Variants in HPS5 observed in about 807,000 individuals in gnomAD.
HPS5 encodes BLOC-2 complex member HPS5.
A neutral mutation model predicts 128.0 loss-of-function variants in HPS5; 83 were observed. The ratio of observed to expected loss-of-function variants is 0.65; its 90% confidence interval spans 0.54 to 0.78. The LOEUF is 0.78. Ranked by LOEUF, HPS5 falls within the 30% of genes least tolerant of loss-of-function variation. The probability of loss-of-function intolerance (pLI) is 0.00; values close to 1 mark genes in which losing one functional copy is unlikely to be tolerated. For synonymous variants in HPS5, 475 were observed against 470.2 expected, an observed-to-expected ratio of 1.01 and a Z score of -0.13; for missense variants, 1,281 against 1,326.2, an observed-to-expected ratio of 0.97 and a Z score of 0.53.
At position 18,311,468 on chromosome 11, in the gene HPS5, A is replaced by G. The variant is rs775008255; in HGVS notation, c.220-17T>C. 3 of 1,513,442 alleles carry G rather than the reference A, an allele frequency of 2.0e-6. No homozygotes were observed. The East Asian group carries it at 7.0e-5, about 35-fold the overall frequency. The allele number at this position is 1,513,442 out of a possible 1,614,324, so 93.8% of individuals were successfully genotyped here. On this transcript the variant is annotated splice_polypyrimidine_tract_variant and intron_variant, in intron 3 of 22. Coordinates refer to ENST00000349215, the MANE Select transcript of HPS5 (RefSeq NM_181507.2). ...TGCACCTTCCTAGAGCACAAAAGAA[A>G]ATACATTTTTTAAATCTCAAGTTTT...
At chr11:18,312,297 T>C (rs1297616754) in intron 2 of HPS5, among the ~76,000 whole-genome samples, 1 of 152,254 alleles carries the variant, frequency 6.6e-6, no homozygotes, top group Non-Finnish European at 1.5e-5. Context: ...ACGCTGGCTG[T>C]TAAGACTTCA....
rs56851278 is a variant in HPS5, at chr11:18,315,188, C to T, written c.108+2563G>A. ...GCAACCAATACCCCAAAATAGGGAG[C>T]TTTGACATGCTGACAGTTCTTAGAA... On this transcript the variant is annotated intron_variant, in intron 2 of 22. Coordinates refer to ENST00000349215, the MANE Select transcript of HPS5 (RefSeq NM_181507.2). Among the ~76,000 whole-genome samples the T allele has an allele frequency of 6.2e-3, 949 of 152,300 alleles. 14 individuals carry two copies. The highest frequency in any genetic ancestry group is 0.022 in the African/African-American group (916 of 41,558).
intron 2 of HPS5, among the ~76,000 whole-genome samples, chr11:18,315,612 T>TAA (rs544602661): frequency 4.2e-5 from 6 of 141,276 alleles, no homozygotes; most frequent in African/African-American, 1.3e-4. Flanking sequence ...AACTCTATCT[T>TAA]AAAAAAAAAA....
chr11:18,280,655 G>T, intron 22 of HPS5: 1 of 674,610 alleles, frequency 1.5e-6, no homozygotes, highest in Non-Finnish European at 2.7e-6. Flanking sequence ...GTCAACAGAT[G>T]AATGGATAAA....
chr11:18,304,406 G>A (rs982347003), intron 8 of HPS5, among the ~76,000 whole-genome samples: 2 of 151,962 alleles, frequency 1.3e-5, no homozygotes, highest in Admixed American at 6.6e-5. Context: ...TAGTAGAGAC[G>A]GGGTTTCTCC....
intron 2 of HPS5, among the ~76,000 whole-genome samples, chr11:18,314,702 G>GT (rs1034039343): frequency 6.6e-5 from 10 of 151,844 alleles, no homozygotes; most frequent in African/African-American, 1.7e-4. Flanking sequence ...TGTTTTCTGG[G>GT]TTTTTTTATT....
intron 18 of HPS5, 60 bp from the exon 19 acceptor site, chr11:18,286,770 T>C (rs1859784832): frequency 4.4e-6 from 7 of 1,604,538 alleles, no homozygotes; most frequent in Non-Finnish European, 4.2e-6. Flanking sequence ...AAGCATAAAA[T>C]GTGGGGAGTG....
intron 3 of HPS5, 77 bp from the exon 4 acceptor site, chr11:18,311,528 T>TTTTAGTA: frequency 1.2e-6 from 1 of 800,194 alleles, no homozygotes; most frequent in Non-Finnish European, 1.8e-6. Context: ...TTTTTTTTTT[T>TTTTAGTA]GAGACTGAGT....
In HPS5 at chr11:18,283,826, C is replaced by T. The variant is rs1293181771; in HGVS notation, c.3027G>A (p.Leu1009=). The change falls in exon 21 of 23, where the codon CTG becomes CTA. Residue 1009 remains leucine (L), a synonymous_variant. Transcript: ENST00000349215. ...RREAFTNIVY[L]NDMSLMEGDN... ...CCCCTTCCATCAGGCTCATATCATT[C>T]AGATACACAATATTGGTGAAGGCCT... is the stretch of plus-strand genomic sequence containing the variant. 2 of 1,611,948 alleles carry T rather than the reference C, an allele frequency of 1.2e-6. No homozygotes were observed. Among genetic ancestry groups the T allele is most frequent in the African/African-American group, 2.7e-5 (2 of 74,850 alleles).
In HPS5 at chr11:18,318,951, A is replaced by C. The variant is rs889809524; in HGVS notation, c.-49-1044T>G. Among the ~76,000 whole-genome samples the C allele has an allele frequency of 2.7e-5, 4 of 147,586 alleles. No individual in the cohort carries two copies. The East Asian group carries it at 7.9e-4, about 29-fold the overall frequency. On this transcript the variant is annotated intron_variant, in intron 1 of 22. Coordinates refer to ENST00000349215, the MANE Select transcript of HPS5 (RefSeq NM_181507.2). ...ACTTTCTAGTGGCAAAACGAAGACT[A>C]TATTTTTTATTGCACACACATAACA...
Position 18,283,860 on chromosome 11 carries a change from C to G in HPS5, c.2993G>C (p.Arg998Thr), listed in dbSNP as rs752569297. 1 of 1,613,428 alleles carries G rather than the reference C, an allele frequency of 6.2e-7. No homozygotes were observed. Among genetic ancestry groups the G allele is most frequent in the South Asian group, 1.1e-5 (1 of 91,076 alleles). The change falls in exon 21 of 23, where the codon AGA becomes ACA. Residue 998 changes from arginine (R) to threonine (T), a missense_variant. Arg to Thr is a moderately conservative substitution (Grantham distance 71, BLOSUM62 -1). Coordinates refer to ENST00000349215, the MANE Select transcript of HPS5 (RefSeq NM_181507.2). Reference protein sequence around the residue: ...GYLILCLELERRREAFTNIVY... With the variant: ...GYLILCLELETRREAFTNIVY... ...AATATTGGTGAAGGCCTCTCTTCTT[C>G]TCTCCAGCTCCAAACAGAGAATTAG...
chr11:18,287,822 T>C, intron 17 of HPS5, 71 bp downstream of exon 17: 2 of 1,604,676 alleles, frequency 1.2e-6, no homozygotes, highest in Admixed American at 3.3e-5. Context: ...ATGAGTAACA[T>C]GTTAGAGACT....
At chr11:18,319,397 A>G (rs1864042043) in intron 1 of HPS5, among the ~76,000 whole-genome samples, 1 of 152,164 alleles carries the variant, frequency 6.6e-6, no homozygotes, top group Admixed American at 6.6e-5. Flanking sequence ...TAAGGAAAGT[A>G]GTACTGATGC....
chr11:18,298,752 C>T, intron 10 of HPS5, 40 bp downstream of exon 10: 1 of 1,602,482 alleles, frequency 6.2e-7, no homozygotes, highest in African/African-American at 1.3e-5. Context: ...GAGAGTTTCA[C>T]CAATCCATGG....
chr11:18,313,307 C>T (rs1590141203), intron 2 of HPS5, among the ~76,000 whole-genome samples: 1 of 152,294 alleles, frequency 6.6e-6, no homozygotes, highest in African/African-American at 2.4e-5. Flanking sequence ...CAGTCATGCA[C>T]CCACTCTCTG....
Position 18,287,968 on chromosome 11 carries a change from T to G in HPS5, c.2486A>C (p.Asp829Ala), listed in dbSNP as rs1369172432. The G allele has an allele frequency of 6.2e-7, 1 of 1,613,818 alleles. No homozygotes were observed. Among genetic ancestry groups the G allele is most frequent in the Non-Finnish European group, 8.5e-7 (1 of 1,179,916 alleles). Reference sequence around the variant, plus strand: ...TAGTAACTTTAACCTTGTTGGTAGATCTCCTTTTTCCATCTCCATATACAC... The same window carrying G: ...TAGTAACTTTAACCTTGTTGGTAGAGCTCCTTTTTCCATCTCCATATACAC... ...NPVYMEMEKG[D>A]LPTRLKLLDD... Residue 829 changes from aspartate (D) to alanine (A), a missense_variant, in exon 17 of 23, where the codon GAT becomes GCT. Coordinates refer to ENST00000349215, the MANE Select transcript of HPS5 (RefSeq NM_181507.2).
At chr11:18,303,826 T>C (rs1862023830) in intron 8 of HPS5, among the ~76,000 whole-genome samples, 1 of 148,962 alleles carries the variant, frequency 6.7e-6, no homozygotes. Flanking sequence ...TGCACTCCAA[T>C]GTGGGTGACA....
Position 18,285,413 on chromosome 11 carries a change from G to GTTTA in HPS5, c.2883_2884insTAAA (p.His962Ter), listed in dbSNP as rs1859576402. 1 of 1,613,418 alleles carries GTTTA rather than the reference G, an allele frequency of 6.2e-7. No homozygotes were observed. The highest frequency in any genetic ancestry group is 8.5e-7 in the Non-Finnish European group (1 of 1,179,586). Reference sequence around the variant, plus strand: ...AAATCTGCAGGAAGTTTAATTAGATGAAGGATCAGCTGACTGTAACCCCAG... The same window carrying GTTTA: ...AAATCTGCAGGAAGTTTAATTAGATGTTTAAAGGATCAGCTGACTGTAACCCCAG... On this transcript the variant is annotated stop_gained and frameshift_variant, in exon 20 of 23. Transcript: ENST00000349215. LOFTEE classifies it high-confidence loss of function.
chr11:18,280,502 G>T (rs1000319484), intron 22 of HPS5: 2 of 684,060 alleles, frequency 2.9e-6, no homozygotes, highest in Non-Finnish European at 5.3e-6. Flanking sequence ...ATTAAAAATA[G>T]AATTACCATA....
Sources: gnomAD v4.1 joint callset for allele counts (sites outside exome capture counted in the v4.1 genomes callset) on GRCh38, gnomAD v4.1.1 for gene constraint, MANE v1.5 for transcripts, NCBI Gene and HGNC (gene_info 2026-07-23, HGNC 2026-07-21) for gene names.